CCDC171: variants seen among roughly 807,000 people sequenced by gnomAD.
CCDC171 encodes the protein coiled-coil domain-containing protein 171.
CCDC171 carries 177 observed loss-of-function variants against 168.2 expected under a neutral mutation model. The observed-to-expected ratio is 1.05, with a 90% confidence interval of 0.93 to 1.19. The LOEUF (loss-of-function observed/expected upper bound fraction) is 1.19. CCDC171 is among the 50% of genes most tolerant of loss of function. CCDC171 has a pLI of 0.00. For missense variants in CCDC171, 1,991 were observed against 1,539.0 expected, an observed-to-expected ratio of 1.29 and a Z score of -4.91; for synonymous variants, 687 against 540.8, an observed-to-expected ratio of 1.27 and a Z score of -3.75.
At chr9:16,062,855 G>A (rs1833950482), downstream of CCDC171, among the ~76,000 whole-genome samples, 1 of 152,200 alleles carries the variant, frequency 6.6e-6, no homozygotes, top group Non-Finnish European at 1.5e-5. Flanking sequence ...TGGAGTTCCA[G>A]GTGACACAAA....
the CCDC171 span, among the ~76,000 whole-genome samples, chr9:16,102,244 C>T: frequency 6.6e-6 from 1 of 152,138 alleles, no homozygotes; most frequent in Non-Finnish European, 1.5e-5. Flanking sequence ...GTTTTGGTGT[C>T]CGTGTCCTGG....
chr9:16,025,948 T>C (rs962400455), intron 6 of CCDC171, among the ~76,000 whole-genome samples: 1 of 152,230 alleles, frequency 6.6e-6, no homozygotes. Flanking sequence ...ATGTGAATTT[T>C]ACTATAATTA....
chr9:15,883,571 T>C (rs1819000306), intron 24 of CCDC171, among the ~76,000 whole-genome samples: 1 of 152,172 alleles, frequency 6.6e-6, no homozygotes. Flanking sequence ...TTGTTTCTTG[T>C]TTTTTCTTGT....
intron 7 of CCDC171, among the ~76,000 whole-genome samples, chr9:15,628,913 G>A (rs980019304): frequency 3.9e-5 from 6 of 152,194 alleles, no homozygotes; most frequent in Non-Finnish European, 7.3e-5. Flanking sequence ...TGGTACCCAG[G>A]CAAACAGAGT....
intron 3 of CCDC171, among the ~76,000 whole-genome samples, chr9:16,007,241 T>A (rs1279713559): frequency 6.6e-6 from 1 of 152,252 alleles, no homozygotes; most frequent in Non-Finnish European, 1.5e-5. Context: ...TTTTGAGTAG[T>A]GTCTGTTCAT....
intron 21 of CCDC171, among the ~76,000 whole-genome samples, chr9:15,818,161 C>A (rs1384816767): frequency 8.5e-6 from 1 of 117,116 alleles, no homozygotes; most frequent in African/African-American, 3.2e-5. Context: ...AACTAACAAA[C>A]AGAAGGGGAC....
intron 21 of CCDC171, among the ~76,000 whole-genome samples, chr9:15,795,736 C>A (rs1403222090): frequency 6.6e-6 from 1 of 152,218 alleles, no homozygotes; most frequent in Non-Finnish European, 1.5e-5. Context: ...ATGAGAAAAT[C>A]TCTGCCTAGC....
chr9:15,855,259 T>C (rs891479558), intron 23 of CCDC171, among the ~76,000 whole-genome samples: 3 of 151,848 alleles, frequency 2.0e-5, no homozygotes, highest in Admixed American at 6.6e-5. Flanking sequence ...TATGTGGAAA[T>C]TGTTATATCT....
At chr9:15,951,784 T>G (rs1044293278) in intron 25 of CCDC171, among the ~76,000 whole-genome samples, 2 of 152,154 alleles carry the variant, frequency 1.3e-5, no homozygotes, top group African/African-American at 4.8e-5. Context: ...GATACATGAT[T>G]TGCAAGTATT....
intron 18 of CCDC171, among the ~76,000 whole-genome samples, chr9:15,759,952 T>A (rs1194754549): frequency 4.0e-4 from 61 of 152,298 alleles, no homozygotes; most frequent in Non-Finnish European, 4.4e-5. Flanking sequence ...TGACTCATTG[T>A]CCTTTGAATC....
In CCDC171 at chr9:15,920,657, A is replaced by C. The variant is rs547372802; in HGVS notation, c.3753+235A>C. On this transcript the variant is annotated intron_variant, in intron 25 of 25. Transcript: ENST00000380701. ...ATTGTTATCAATGCTAAAACACTAC[A>C]TCAAGATTCCTTTGTGTTTGGCAGT... Among the ~76,000 whole-genome samples the C allele has an allele frequency of 8.8e-4, 133 of 151,830 alleles. 1 individual carries two copies. The highest frequency in any genetic ancestry group is 3.1e-3 in the African/African-American group (129 of 41,518).
chr9:15,662,288 C>T (rs565707241), intron 8 of CCDC171, among the ~76,000 whole-genome samples: 1 of 151,850 alleles, frequency 6.6e-6, no homozygotes, highest in East Asian at 1.9e-4. Context: ...ATCCCCCCTC[C>T]CCCCCAAAAA....
At chr9:16,000,456 GA>G (rs1832507278) in intron 3 of CCDC171, among the ~76,000 whole-genome samples, 1 of 152,068 alleles carries the variant, frequency 6.6e-6, no homozygotes, top group African/African-American at 2.4e-5. Flanking sequence ...TTTCTAGGTA[GA>G]AAAAAATTTT....
chr9:15,984,572 C>G (rs1208561911), intron 3 of CCDC171, among the ~76,000 whole-genome samples: 1 of 152,000 alleles, frequency 6.6e-6, no homozygotes, highest in Admixed American at 6.6e-5. Context: ...TAAGATTTCT[C>G]TGTGTGATAT....
chr9:15,621,341 A>G (rs1459238669), intron 6 of CCDC171, among the ~76,000 whole-genome samples: 2 of 152,200 alleles, frequency 1.3e-5, no homozygotes, highest in Non-Finnish European at 2.9e-5. Context: ...AGATTACACT[A>G]TAGTGCAAAC....
At chr9:16,027,174 C>A (rs1327221326) in intron 6 of CCDC171, among the ~76,000 whole-genome samples, 1 of 152,174 alleles carries the variant, frequency 6.6e-6, no homozygotes, top group Non-Finnish European at 1.5e-5. Flanking sequence ...AATCAGGAAT[C>A]TTGTGCTTAT....
intron 16 of CCDC171, among the ~76,000 whole-genome samples, chr9:15,733,459 G>C (rs2054278976): frequency 1.3e-5 from 2 of 149,354 alleles, no homozygotes; most frequent in African/African-American, 4.9e-5. Flanking sequence ...GTAAAGGTGT[G>C]AGGTATCGAT....
chr9:15,737,983 G>A (rs117989437), intron 16 of CCDC171, among the ~76,000 whole-genome samples: 3,525 of 152,224 alleles, frequency 0.023, 64 homozygotes, highest in Middle Eastern at 0.058. Flanking sequence ...AATAGAGAAA[G>A]CAGGTGAATT....
At chr9:15,621,529 A>G (rs2044503956) in intron 6 of CCDC171, among the ~76,000 whole-genome samples, 1 of 152,196 alleles carries the variant, frequency 6.6e-6, no homozygotes, top group Admixed American at 6.5e-5. Flanking sequence ...AGCCTGCTAT[A>G]GAATAGTAAT....
Sources: gnomAD v4.1 joint callset for allele counts (sites outside exome capture counted in the v4.1 genomes callset) on GRCh38, gnomAD v4.1.1 for gene constraint, MANE v1.5 for transcripts, NCBI Gene and HGNC (gene_info 2026-07-23, HGNC 2026-07-21) for gene names.